Variants in FBLN2 observed in about 807,000 individuals in gnomAD.
FBLN2 encodes the protein fibulin-2.
FBLN2 carries 81 observed loss-of-function variants against 123.7 expected under a neutral mutation model. That is an observed-to-expected ratio of 0.65 (90% CI 0.55 to 0.79). The LOEUF is 0.79. FBLN2 is among the 30% of genes least tolerant of loss of function. The pLI is 0.00. For synonymous variants in FBLN2, 699 were observed against 701.4 expected (o/e 1.00, Z 0.05); for missense variants, 1,603 against 1,681.3 (o/e 0.95, Z 0.81).
At chr3:13,612,530 G>C (rs917308561) in intron 4 of FBLN2, among the ~76,000 whole-genome samples, 7 of 151,840 alleles carry the variant, frequency 4.6e-5, no homozygotes. Flanking sequence ...ACAGGTGCCC[G>C]CCACCACGCC....
intron 1 of FBLN2, among the ~76,000 whole-genome samples, chr3:13,561,821 A>T (rs989807855): frequency 1.1e-4 from 16 of 152,182 alleles, no homozygotes; most frequent in African/African-American, 3.4e-4. Flanking sequence ...AATAGCTGCA[A>T]ACTAAAGGAC....
chr3:13,573,087 G>A (rs1704016000), intron 2 of FBLN2, among the ~76,000 whole-genome samples: 1 of 152,098 alleles, frequency 6.6e-6, no homozygotes, highest in Non-Finnish European at 1.5e-5. Context: ...ACATTGGAAA[G>A]GCCCAGAGCT....
At position 13,636,585 on chromosome 3, in the gene FBLN2, C is replaced by T. The variant is rs1361783455; in HGVS notation, c.3338+17C>T. 6.2e-7 allele frequency: 1 copy of T among 1,610,700 alleles called. No individual in the cohort carries two copies. The highest frequency in any genetic ancestry group is 1.1e-5 in the South Asian group (1 of 90,168). ...CTCCAAAACGTGAGTGTCCCCACCC[C>T]AGTCCCAGTCCCAGGGAGCCTGTCC... is the stretch of plus-strand genomic sequence containing the variant. On this transcript the variant is annotated intron_variant, in intron 17 of 17. Transcript: ENST00000404922.
chr3:13,573,415 C>A (rs1182496719), intron 2 of FBLN2, among the ~76,000 whole-genome samples: 2 of 152,124 alleles, frequency 1.3e-5, no homozygotes. Context: ...GTCAGATCCC[C>A]TGAGTGAGGC....
chr3:13,574,234 C>A (rs971541171), intron 2 of FBLN2, among the ~76,000 whole-genome samples: 1 of 152,228 alleles, frequency 6.6e-6, no homozygotes, highest in Non-Finnish European at 1.5e-5. Flanking sequence ...GTGTGTGAGG[C>A]CCTGAGGAAG....
chr3:13,604,546 ATG>A (rs1705142459), intron 2 of FBLN2, among the ~76,000 whole-genome samples: 1 of 152,056 alleles, frequency 6.6e-6, no homozygotes, highest in Non-Finnish European at 1.5e-5. Flanking sequence ...ATGGTTGTAG[ATG>A]TGTGGTATTA....
intron 2 of FBLN2, among the ~76,000 whole-genome samples, chr3:13,584,937 T>TA (rs1704450272): frequency 6.6e-6 from 1 of 152,214 alleles, no homozygotes. Context: ...GGCACAGGTC[T>TA]AAGCTAGAGG....
In FBLN2 at chr3:13,549,188, C is replaced by T; in HGVS notation, c.-62C>T. 1 of 983,386 alleles carries T rather than the reference C, an allele frequency of 1.0e-6. No homozygotes were observed. Among genetic ancestry groups the T allele is most frequent in the East Asian group, 1.1e-4 (1 of 8,716 alleles). The allele number at this position is 983,386 out of a possible 1,614,324, so 60.9% of individuals were successfully genotyped here. A position where few individuals can be genotyped will look rare whatever the true frequency, so the allele number is the denominator to read the frequency against. ...ACGGCCGGGCGGACGGACGGACGGA[C>T]GCCGAGCGCAGTGCCCCGCGGTGAG... On this transcript the variant is annotated 5_prime_UTR_variant, in exon 1 of 18. It adds an upstream start codon to the 5' untranslated region. Transcript: ENST00000404922.
At position 13,627,931 on chromosome 3, in the gene FBLN2, T is replaced by C. The variant is rs1211613078; in HGVS notation, c.2531T>C (p.Met844Thr). ...SFYCQARQRC[M>T]DGFLQDPEGN... ...TACTGCCAGGCCAGGCAGCGCTGCATGGATGGCTTCCTGCAGGATCCTGAA... is the reference window on the plus strand; with the variant it reads ...TACTGCCAGGCCAGGCAGCGCTGCACGGATGGCTTCCTGCAGGATCCTGAA... The change falls in exon 11 of 18, where the codon ATG becomes ACG. Residue 844 changes from methionine to threonine, a missense_variant. Coordinates refer to ENST00000404922, the MANE Select transcript of FBLN2 (RefSeq NM_001004019.2). 1.9e-6 allele frequency: 3 copies of C among 1,613,762 alleles called. No individual in the cohort carries two copies. The highest frequency in any genetic ancestry group is 2.5e-6 in the Non-Finnish European group (3 of 1,179,800).
intron 2 of FBLN2, among the ~76,000 whole-genome samples, chr3:13,587,766 C>G (rs751012596): frequency 3.3e-5 from 5 of 152,234 alleles, no homozygotes; most frequent in Non-Finnish European, 5.9e-5. Flanking sequence ...CTTATCCCAA[C>G]CCAAACATCA....
In FBLN2 at chr3:13,618,904, A is replaced by G. The variant is rs780059995; in HGVS notation, c.1940A>G (p.Glu647Gly). Residue 647 changes from glutamate to glycine, a missense_variant and splice_region_variant, in exon 7 of 18, where the codon GAG becomes GGG. Glu to Gly is a moderately conservative substitution (Grantham distance 98). Transcript: ENST00000404922. ...LQDDGRTCRP[E>G]GHPPQPEAPQ... ...CCCCACTCTGCTCTACCCATGACAG[A>G]GGGTCACCCTCCACAGCCGGAAGCC... 3.1e-6 allele frequency: 5 copies of G among 1,611,534 alleles called. No homozygotes were observed. In the South Asian group the frequency reaches 5.5e-5, roughly 18 times the overall value.
chr3:13,618,251 C>T lies in FBLN2; in HGVS notation c.1905C>T (p.Phe635=). 1.9e-6 allele frequency: 3 copies of T among 1,613,962 alleles called. No homozygotes were observed. Among genetic ancestry groups the T allele is most frequent in the Non-Finnish European group, 2.5e-6 (3 of 1,179,904 alleles). Reference sequence around the variant, plus strand: ...ACCACTGTGCCTGCTTTCCTGGCTTCTCACTGCAGGACGATGGCCGCACTT... The same window carrying T: ...ACCACTGTGCCTGCTTTCCTGGCTTTTCACTGCAGGACGATGGCCGCACTT... ...GSYHCACFPG[F]SLQDDGRTCR... The change falls in exon 6 of 18, where the codon TTC becomes TTT. Residue 635 remains phenylalanine (F), a synonymous_variant. Transcript: ENST00000404922.
At chr3:13,589,546 G>T (rs1214331396) in intron 2 of FBLN2, among the ~76,000 whole-genome samples, 1 of 152,150 alleles carries the variant, frequency 6.6e-6, no homozygotes, top group African/African-American at 2.4e-5. Context: ...GGGGAAGGGG[G>T]CTCAGTGAAG....
intron 1 of FBLN2, chr3:13,569,123 C>G (rs879518327): frequency 6.5e-6 from 6 of 927,464 alleles, no homozygotes; most frequent in Non-Finnish European, 7.7e-6. Context: ...GCACTGGGGA[C>G]TTGGGCCAGG....
At chr3:13,573,948 G>A (rs1289344472) in intron 2 of FBLN2, among the ~76,000 whole-genome samples, 2 of 147,684 alleles carry the variant, frequency 1.4e-5, no homozygotes, top group Admixed American at 6.7e-5. Flanking sequence ...AAGAGCTGAA[G>A]AAGGCAGAAG....
At chr3:13,569,207 A>AAG (rs61040630) in intron 1 of FBLN2, 18,874 of 245,310 alleles carry the variant, frequency 0.077, 1,865 homozygotes, top group African/African-American at 0.28. Context: ...GAGAGGGGAG[A>AAG]AGAGCCCTTG....
At chr3:13,619,687 G>A (rs746428367) in intron 7 of FBLN2, 43 bp from the exon 8 acceptor site, 9 of 1,563,140 alleles carry the variant, frequency 5.8e-6, no homozygotes, top group Admixed American at 5.1e-5. Flanking sequence ...GTGGACCAAG[G>A]CCAGGGCCTG....
intron 13 of FBLN2, 106 bp from the exon 14 acceptor site, chr3:13,629,714 G>A (rs1026085700): frequency 5.6e-6 from 8 of 1,425,334 alleles, no homozygotes; most frequent in African/African-American, 1.4e-5. Context: ...TTCCTTCTGG[G>A]TCCCTCTCCC....
intron 2 of FBLN2, among the ~76,000 whole-genome samples, chr3:13,577,742 G>A (rs1036303151): frequency 2.0e-5 from 3 of 152,146 alleles, no homozygotes; most frequent in Admixed American, 6.5e-5. Flanking sequence ...ACAGAGCTCC[G>A]TGGCTGGACA....
Sources: gnomAD v4.1 joint callset for allele counts (sites outside exome capture counted in the v4.1 genomes callset) on GRCh38, gnomAD v4.1.1 for gene constraint, MANE v1.5 for transcripts, NCBI Gene and HGNC (gene_info 2026-07-23, HGNC 2026-07-21) for gene names.